LRP2: variants seen among roughly 807,000 people sequenced by gnomAD.
The protein encoded by LRP2 is LDL receptor related protein 2, also known as low-density lipoprotein receptor-related protein 2.
Under a neutral mutation model 531.0 loss-of-function variants are expected in LRP2, and 172 were observed. The ratio of observed to expected loss-of-function variants is 0.32; its 90% CI spans 0.29 to 0.37. The LOEUF is 0.37. LRP2 is among the 10% of genes least tolerant of loss of function. The pLI, the probability that LRP2 is intolerant of heterozygous loss-of-function variation, is 1.00. For synonymous variants in LRP2, 1,992 were observed against 2,027.6 expected, an observed-to-expected ratio of 0.98 and a Z score of 0.47; for missense variants, 5,167 against 5,868.3, an observed-to-expected ratio of 0.88 and a Z score of 3.90.
chr2:169,209,402 A>G (rs1227568550), intron 38 of LRP2, 51 bp downstream of exon 38: 2 of 1,575,950 alleles, frequency 1.3e-6, no homozygotes, highest in African/African-American at 2.7e-5. Flanking sequence ...CTAGCATAAA[A>G]TAAGATGACA....
In LRP2 at chr2:169,193,847, C is replaced by A. The variant is rs911864785; in HGVS notation, c.8744G>T (p.Gly2915Val). ...CCATTCGCTTGGGATGCACCTCCCA[C>A]CATCACACTTGAACTCATCAGCTAG... is the stretch of plus-strand genomic sequence containing the variant. ...TCLADEFKCDGGRCIPSEWIC... is the reference protein window; with the variant it reads ...TCLADEFKCDVGRCIPSEWIC... Residue 2915 changes from glycine (G) to valine (V), a missense_variant, in exon 47 of 79, where the codon GGT becomes GTT. Coordinates refer to ENST00000649046, the MANE Select transcript of LRP2 (RefSeq NM_004525.3). 18 of 1,614,038 alleles carry A rather than the reference C, an allele frequency of 1.1e-5. No individual in the cohort carries two copies. The highest frequency in any genetic ancestry group is 2.2e-5 in the East Asian group (1 of 44,886).
At chr2:169,131,338 G>A (rs1685282807) in intron 77 of LRP2, among the ~76,000 whole-genome samples, 1 of 151,488 alleles carries the variant, frequency 6.6e-6, no homozygotes, top group African/African-American at 2.4e-5. Flanking sequence ...CAGAAGCCTT[G>A]ATATAGACTC....
chr2:169,310,445 T>A (rs1396667262), intron 3 of LRP2, among the ~76,000 whole-genome samples: 1 of 152,224 alleles, frequency 6.6e-6, no homozygotes, highest in Non-Finnish European at 1.5e-5. Flanking sequence ...CTTTTCTGCG[T>A]CTATTGAGAT....
At chr2:169,211,632 G>A (rs1216450824) in intron 37 of LRP2, among the ~76,000 whole-genome samples, 1 of 152,046 alleles carries the variant, frequency 6.6e-6, no homozygotes, top group Non-Finnish European at 1.5e-5. Flanking sequence ...ATTCTATATT[G>A]CTCTGGGCCT....
Position 169,307,288 on chromosome 2 carries a change from A to G in LRP2, c.420T>C (p.Asn140=). 1.2e-6 allele frequency: 2 copies of G among 1,610,472 alleles called. No homozygotes were observed. The highest frequency in any genetic ancestry group is 1.7e-6 in the Non-Finnish European group (2 of 1,176,626). The change falls in exon 4 of 79, where the codon AAT becomes AAC. Residue 140 remains asparagine, a synonymous_variant. Coordinates refer to ENST00000649046, the MANE Select transcript of LRP2 (RefSeq NM_004525.3). ...VRDCPDGADE[N]DCQYPTCEQL... is the part of the protein sequence containing the mutation. ...GGACTAAAACAGACTCACGGCAGTC[A>G]TTCTCATCAGCTCCATCGGGGCAGT... is the stretch of plus-strand genomic sequence containing the variant.
intron 35 of LRP2, among the ~76,000 whole-genome samples, chr2:169,215,753 A>AT (rs1688762038): frequency 6.8e-6 from 1 of 147,558 alleles, no homozygotes; most frequent in African/African-American, 2.5e-5. Context: ...ATCTATATAG[A>AT]TCATATATAG....
chr2:169,152,839 C>T lies in LRP2; in HGVS notation c.12421G>A (p.Val4141Ile), dbSNP rs150382715. Residue 4141 changes from valine (V) to isoleucine (I), a missense_variant, in exon 67 of 79, where the codon GTA (valine) becomes ATA (isoleucine). By Grantham distance (29) the Val-to-Ile change is conservative. This residue lies in a region of LRP2 where 564 missense variants were observed against 747.7 expected (regional missense o/e 0.75). Transcript: ENST00000649046. The part of the protein sequence containing the change: ...VQEVDLKLKY[V>I]MQPDGIAVDW... ...ACTGCTATTCCATCTGGCTGCATTA[C>T]GTATTTCAGTTTCAGGTCAACTTCC... 795 of 1,614,074 alleles carry T rather than the reference C, an allele frequency of 4.9e-4. No homozygotes were observed. Among genetic ancestry groups the T allele is most frequent in the Non-Finnish European group, 6.3e-4 (741 of 1,179,940 alleles).
At chr2:169,269,345 T>C (rs985262837) in intron 16 of LRP2, among the ~76,000 whole-genome samples, 2 of 152,184 alleles carry the variant, frequency 1.3e-5, no homozygotes, top group African/African-American at 4.8e-5. Context: ...ACTACCTGAC[T>C]TCAAGCTATA....
At chr2:169,221,237 C>G (rs1178392053) in intron 33 of LRP2, among the ~76,000 whole-genome samples, 1 of 152,146 alleles carries the variant, frequency 6.6e-6, no homozygotes, top group East Asian at 1.9e-4. Context: ...GTTCAATAAA[C>G]TTCTATTGTT....
At chr2:169,258,981 A>C in intron 17 of LRP2, 44 bp downstream of exon 17, 1 of 1,540,022 alleles carries the variant, frequency 6.5e-7, no homozygotes, top group Non-Finnish European at 9.0e-7. Context: ...TGACTGTAAA[A>C]GACATACAGT....
chr2:169,158,482 C>T (rs559553818), intron 63 of LRP2, among the ~76,000 whole-genome samples: 7 of 151,854 alleles, frequency 4.6e-5, no homozygotes, highest in East Asian at 1.9e-4. Flanking sequence ...CTGGAACTTA[C>T]GCTGACATGT....
At position 169,225,470 on chromosome 2, in the gene LRP2, G is replaced by C; in HGVS notation, c.5395-17C>G. ...AATTTCACCCTGGAAAGAAAGACAAGGGGAGGTGAGCAGTTCCAAGGCCAT... is the reference window on the plus strand; with the variant it reads ...AATTTCACCCTGGAAAGAAAGACAACGGGAGGTGAGCAGTTCCAAGGCCAT... On this transcript the variant is annotated splice_polypyrimidine_tract_variant and intron_variant, in intron 32 of 78. Transcript: ENST00000649046. 1 of 1,613,666 alleles carries C rather than the reference G, an allele frequency of 6.2e-7. No homozygotes were observed.
intron 47 of LRP2, 48 bp from the exon 48 acceptor site, chr2:169,192,081 G>T: frequency 2.1e-6 from 3 of 1,460,676 alleles, no homozygotes; most frequent in Middle Eastern, 1.9e-4. Flanking sequence ...GCTCAGTGCA[G>T]CAGTTAATTC....
At chr2:169,361,330 G>GTCTCTCTGTCTCTC (rs1686144293) in intron 1 of LRP2, among the ~76,000 whole-genome samples, 1 of 32,180 alleles carries the variant, frequency 3.1e-5, no homozygotes, top group African/African-American at 1.4e-4. Flanking sequence ...GTCTCTCTCT[G>GTCTCTCTGTCTCTC]TCTCTCTCTG....
At chr2:169,352,582 A>C (rs1464456200) in intron 1 of LRP2, among the ~76,000 whole-genome samples, 1 of 152,198 alleles carries the variant, frequency 6.6e-6, no homozygotes, top group African/African-American at 2.4e-5. Context: ...TTAAAAATAC[A>C]GATTTTCCAC....
intron 1 of LRP2, among the ~76,000 whole-genome samples, chr2:169,338,065 C>CCACTG (rs1388622257): frequency 2.0e-5 from 3 of 151,658 alleles, no homozygotes; most frequent in Non-Finnish European, 2.9e-5. Flanking sequence ...TATGATCATG[C>CCACTG]CACTGCACTG....
At chr2:169,327,734 C>A (rs1455867389) in intron 1 of LRP2, among the ~76,000 whole-genome samples, 6 of 128,648 alleles carry the variant, frequency 4.7e-5, no homozygotes, top group African/African-American at 1.2e-4. Context: ...GCCCGGCCAG[C>A]CGCCCCGTCC....
At chr2:169,210,766 T>C (rs1456108148) in intron 37 of LRP2, among the ~76,000 whole-genome samples, 1 of 152,250 alleles carries the variant, frequency 6.6e-6, no homozygotes, top group East Asian at 1.9e-4. Flanking sequence ...TGGAGAAATA[T>C]GATTATGAAT....
intron 71 of LRP2, among the ~76,000 whole-genome samples, chr2:169,142,183 C>G (rs1439117596): frequency 6.6e-6 from 1 of 152,204 alleles, no homozygotes; most frequent in Non-Finnish European, 1.5e-5. Flanking sequence ...AAGAATAGAT[C>G]ACCCACAGCG....
Sources: gnomAD v4.1 joint callset for allele counts (sites outside exome capture counted in the v4.1 genomes callset) on GRCh38, gnomAD v4.1.1 for gene constraint, gnomAD v4.1.1 regional missense constraint, MANE v1.5 for transcripts, NCBI Gene and HGNC (gene_info 2026-07-23, HGNC 2026-07-21) for gene names.